Variants in PCNX3 observed in about 807,000 individuals in gnomAD.
PCNX3 encodes pecanex-like protein 3.
In PCNX3, 58 loss-of-function variants were observed where a neutral mutation model predicts 207.2. The ratio of observed to expected loss-of-function variants is 0.28; its 90% CI spans 0.23 to 0.35. The LOEUF (loss-of-function observed/expected upper bound fraction) is 0.35. Among genes scored for constraint, PCNX3 ranks in the 10% least tolerant of loss-of-function variants. The probability of loss-of-function intolerance (pLI) is 1.00; values close to 1 mark genes in which losing one functional copy is unlikely to be tolerated. For missense variants in PCNX3, 2,410 were observed against 2,774.4 expected (o/e 0.87, Z 2.95); for synonymous variants, 1,337 against 1,183.5 (o/e 1.13, Z -2.66).
In PCNX3 at chr11:65,635,595, C is replaced by T. The variant is rs1052812542; in HGVS notation, c.5251C>T (p.Arg1751Cys). ...QQQELVFLRNRNPERGSIQNA... is the reference protein window; with the variant it reads ...QQQELVFLRNCNPERGSIQNA... ...GCAGGAGCTGGTGTTCCTGCGCAAC[C>T]GCAACCCCGAGCGTGGCAGCATCCA... Residue 1751 changes from arginine (R) to cysteine (C), a missense_variant, in exon 32 of 35, where the codon CGC (arginine) becomes TGC (cysteine). By Grantham distance (180) the Arg-to-Cys change is radical. Transcript: ENST00000355703. This position sits in a 1 kb window ranked among gnomAD's most constrained non-coding sequence, Gnocchi z 9.9. 1.1e-5 allele frequency: 17 copies of T among 1,612,716 alleles called. No individual in the cohort carries two copies. The highest frequency in any genetic ancestry group is 8.0e-5 in the African/African-American group (6 of 74,934).
intron 20 of PCNX3, 113 bp downstream of exon 20, chr11:65,626,167 C>T (rs761859914): frequency 2.2e-6 from 3 of 1,391,652 alleles, no homozygotes; most frequent in Admixed American, 2.0e-5. Context: ...ACTCGCTGCC[C>T]ACACTACCCT....
intron 5 of PCNX3, 22 bp downstream of exon 5, chr11:65,617,728 G>A (rs777885541): frequency 7.1e-6 from 11 of 1,550,582 alleles, no homozygotes; most frequent in East Asian, 4.9e-5. Context: ...TTATGGGGCC[G>A]AGGCTTGTGG....
chr11:65,617,993 A>C lies in PCNX3; in HGVS notation c.631A>C (p.Ser211Arg). The C allele has an allele frequency of 6.2e-7, 1 of 1,611,430 alleles. No individual in the cohort carries two copies. Among genetic ancestry groups the C allele is most frequent in the Non-Finnish European group, 8.5e-7 (1 of 1,179,242 alleles). ...PGAVPDPSLA[S>R]TDSSEPSPLA... ...GGCTGTCCCAGACCCCTCTCTTGCC[A>C]GTACAGACTCTTCAGAGCCTTCTCC... The change falls in exon 6 of 35, where the codon AGT becomes CGT. Residue 211 changes from serine (S) to arginine (R), a missense_variant. Ser to Arg is a moderately radical substitution (Grantham distance 110). Transcript: ENST00000355703.
At chr11:65,616,783 G>A (rs1389102452) in intron 1 of PCNX3, 41 bp from the exon 2 acceptor site, 2 of 1,586,964 alleles carry the variant, frequency 1.3e-6, no homozygotes, top group East Asian at 2.2e-5. Context: ...CTGTGGGGGC[G>A]AGGCTTTGTG....
In PCNX3 at chr11:65,636,220, G is replaced by A. The variant is rs1246360158; in HGVS notation, c.5506G>A (p.Asp1836Asn). The A allele has an allele frequency of 3.8e-6, 6 of 1,580,294 alleles. No individual in the cohort carries two copies. The highest frequency in any genetic ancestry group is 5.2e-6 in the Non-Finnish European group (6 of 1,162,898). ...GAGCNSGGNV[D>N]DSDCSGGGGL... is the part of the protein sequence containing the mutation. ...CGGCTGCAATAGTGGCGGGAACGTGGATGATTCAGACTGTAGTGGGGGCGG... is the reference window on the plus strand; with the variant it reads ...CGGCTGCAATAGTGGCGGGAACGTGAATGATTCAGACTGTAGTGGGGGCGG... The change falls in exon 33 of 35, where the codon GAT becomes AAT. Residue 1836 changes from aspartate (D) to asparagine (N), a missense_variant. Asp to Asn is a conservative substitution (Grantham distance 23). This residue lies in a region of PCNX3 where 59 missense variants were observed against 83.9 expected (regional missense o/e 0.70). Coordinates refer to ENST00000355703, the MANE Select transcript of PCNX3 (RefSeq NM_032223.4).
Position 65,617,659 on chromosome 11 carries a change from C to T in PCNX3, c.530C>T (p.Thr177Ile), listed in dbSNP as rs202021437. 20 of 1,592,490 alleles carry T rather than the reference C, an allele frequency of 1.3e-5. No individual in the cohort carries two copies. In the East Asian group the frequency reaches 3.9e-4, roughly 31 times the overall value. ...CAGGGCAGCAACAATGTGATCGTGA[C>T]TTCTGCCGACCGAGAGATGCTGAAG... is the stretch of plus-strand genomic sequence containing the variant. ...REQGSNNVIVTSADREMLKLS... is the reference protein window; with the variant it reads ...REQGSNNVIVISADREMLKLS... Residue 177 changes from threonine to isoleucine, a missense_variant, in exon 5 of 35, where the codon ACT becomes ATT. By Grantham distance (89) the Thr-to-Ile change is moderately conservative. Around this residue, in one of 8 missense-constraint regions of PCNX3, gnomAD observed 1,104 missense variants for 970.3 expected, o/e 1.14. Transcript: ENST00000355703.
chr11:65,625,923 T>G lies in PCNX3; in HGVS notation c.3248T>G (p.Leu1083Trp). ...IALKSVLGFV[L>W]YALAGAVGFF... ...CTGCAGTCGGTGCTGGGTTTCGTGT[T>G]GTACGCACTGGCTGGGGCCGTGGGC... is the stretch of plus-strand genomic sequence containing the variant. The change falls in exon 20 of 35, where the codon TTG (leucine) becomes TGG (tryptophan). Residue 1083 changes from leucine (L) to tryptophan (W), a missense_variant. Transcript: ENST00000355703. This position sits in a 1 kb window ranked among gnomAD's most constrained non-coding sequence, Gnocchi z 5.6. 3 of 1,613,754 alleles carry G rather than the reference T, an allele frequency of 1.9e-6. No homozygotes were observed. Among genetic ancestry groups the G allele is most frequent in the Non-Finnish European group, 2.5e-6 (3 of 1,179,800 alleles).
intron 11 of PCNX3, among the ~76,000 whole-genome samples, chr11:65,622,759 C>T (rs1855175784): frequency 6.6e-6 from 1 of 151,824 alleles, no homozygotes; most frequent in South Asian, 2.1e-4. Flanking sequence ...CCACACCTGG[C>T]TAATTTTTGT....
In PCNX3 at chr11:65,625,520, C is replaced by A. The variant is rs766759256; in HGVS notation, c.3135+10C>A. 3 of 1,318,378 alleles carry A rather than the reference C, an allele frequency of 2.3e-6. No homozygotes were observed. The highest frequency in any genetic ancestry group is 3.1e-5 in the African/African-American group (2 of 63,748). The allele number at this position is 1,318,378 out of a possible 1,614,324, so 81.7% of individuals were successfully genotyped here. On this transcript the variant is annotated intron_variant, in intron 18 of 34. Coordinates refer to ENST00000355703, the MANE Select transcript of PCNX3 (RefSeq NM_032223.4). This position sits in a 1 kb window ranked among gnomAD's most constrained non-coding sequence, Gnocchi z 5.6. ...GATGCGCCAGTCGGTGGTGAGGGGG[C>A]GGGGGGTGGGGGTCTGTGGGGAGGT...
chr11:65,617,827 T>C (rs1308621471), intron 5 of PCNX3, 113 bp from the exon 6 acceptor site: 2 of 1,457,330 alleles, frequency 1.4e-6, no homozygotes, highest in Admixed American at 4.1e-5. Context: ...CTCCCCAGTG[T>C]GCTGCTGTGG....
intron 29 of PCNX3, 101 bp from the exon 30 acceptor site, chr11:65,634,872 A>G: frequency 6.9e-7 from 1 of 1,442,670 alleles, no homozygotes. Flanking sequence ...GGGGAAACTG[A>G]GGCTCAGCGT....
At chr11:65,620,266 TG>T in intron 8 of PCNX3, 72 bp from the exon 9 acceptor site, 1 of 1,426,578 alleles carries the variant, frequency 7.0e-7, no homozygotes, top group Non-Finnish European at 9.6e-7. Flanking sequence ...TTGATGGGTC[TG>T]GTGCCCACGT....
In PCNX3 at chr11:65,617,592, T is replaced by C. The variant is rs750756798; in HGVS notation, c.482-19T>C. On this transcript the variant is annotated intron_variant, in intron 4 of 34. Coordinates refer to ENST00000355703, the MANE Select transcript of PCNX3 (RefSeq NM_032223.4). ...TGTGCCAGGGGGTCCTGCTGACACC[T>C]CTGGGGCCATGGTTGCAGACATCAA... The C allele has an allele frequency of 5.6e-6, 9 of 1,613,132 alleles. No homozygotes were observed. In the South Asian group the frequency reaches 8.8e-5, roughly 16 times the overall value.
intron 27 of PCNX3, 92 bp from the exon 28 acceptor site, chr11:65,634,034 C>T (rs1855723597): frequency 3.4e-6 from 4 of 1,188,690 alleles, no homozygotes; most frequent in East Asian, 2.6e-5. Flanking sequence ...GACTTCAGCT[C>T]AGTCTTGGGG....
chr11:65,618,349 G>A lies in PCNX3; in HGVS notation c.987G>A (p.Gly329=), dbSNP rs200053634. 3.2e-4 allele frequency: 522 copies of A among 1,612,028 alleles called. 2 individuals carry two copies. Among genetic ancestry groups the A allele is most frequent in the Non-Finnish European group, 1.4e-4 (165 of 1,179,388 alleles). Residue 329 remains glycine (G), a synonymous_variant, in exon 6 of 35, where the codon GGG becomes GGA. Coordinates refer to ENST00000355703, the MANE Select transcript of PCNX3 (RefSeq NM_032223.4). ...CCCATCTGGACAGCCCCCCAGGGGG[G>A]CCAGCCCCTGAGGGCAGCGACACAG... ...NSTHLDSPPG[G]PAPEGSDTDP...
chr11:65,616,087 T>G lies in PCNX3; in HGVS notation c.-225T>G. On this transcript the variant is annotated 5_prime_UTR_variant, in exon 1 of 35. The change abolishes an upstream ATG in the 5' untranslated region. Transcript: ENST00000355703. ...GTGGGGACCCGGACCCCGCCCCTGATGCAGCCCCACCCCCGCGTCCGGGCC... is the reference window on the plus strand; with the variant it reads ...GTGGGGACCCGGACCCCGCCCCTGAGGCAGCCCCACCCCCGCGTCCGGGCC... 3.0e-6 allele frequency: 1 copy of G among 336,870 alleles called. No individual in the cohort carries two copies. Among genetic ancestry groups the G allele is most frequent in the Non-Finnish European group, 5.3e-6 (1 of 187,788 alleles). The allele number at this position is 336,870 out of a possible 1,614,324, so 20.9% of individuals were successfully genotyped here.
chr11:65,623,630 T>C lies in PCNX3; in HGVS notation c.2497T>C (p.Tyr833His). The C allele has an allele frequency of 3.1e-6, 5 of 1,613,378 alleles. No homozygotes were observed. Among genetic ancestry groups the C allele is most frequent in the Non-Finnish European group, 4.2e-6 (5 of 1,179,544 alleles). Residue 833 changes from tyrosine to histidine, a missense_variant, in exon 12 of 35, where the codon TAC becomes CAC. Coordinates refer to ENST00000355703, the MANE Select transcript of PCNX3 (RefSeq NM_032223.4). ...QFCLVIASCQYSLLKSVQPDA... is the reference protein window; with the variant it reads ...QFCLVIASCQHSLLKSVQPDA... ...CTGCCTGGTCATCGCCTCCTGCCAG[T>C]ACTCCTTGCTGAAGGTCAGGCCGGG...
At chr11:65,629,871 C>T (rs1427243542) in intron 26 of PCNX3, 136 bp downstream of exon 26, 9 of 915,382 alleles carry the variant, frequency 9.8e-6, no homozygotes, top group Non-Finnish European at 1.5e-5. Flanking sequence ...AGGCACTCCT[C>T]CTCCCTGGGC....
At chr11:65,636,065 G>C (rs745876285) in intron 32 of PCNX3, 109 bp from the exon 33 acceptor site, 97 of 1,466,974 alleles carry the variant, frequency 6.6e-5, no homozygotes, top group Non-Finnish European at 8.4e-5. Context: ...GAGGATCCTG[G>C]GGCTCAGAGG....
Sources: gnomAD v4.1 joint callset for allele counts (sites outside exome capture counted in the v4.1 genomes callset) on GRCh38, gnomAD v4.1.1 for gene constraint, gnomAD v4.1.1 regional missense constraint, Gnocchi (gnomAD v3.1) non-coding constraint, MANE v1.5 for transcripts, NCBI Gene and HGNC (gene_info 2026-07-23, HGNC 2026-07-21) for gene names.